Variants in C10orf90 observed in about 807,000 individuals in gnomAD.
The protein encoded by C10orf90 is (E2-independent) E3 ubiquitin-conjugating enzyme FATS.
Under a neutral mutation model 62.5 loss-of-function variants are expected in C10orf90, and 56 were observed. The ratio of observed to expected loss-of-function variants is 0.90; its 90% CI spans 0.72 to 1.12. The LOEUF is 1.12. Ranked by LOEUF, C10orf90 falls within the 50% of genes most tolerant of loss-of-function variation. The pLI, the probability that C10orf90 is intolerant of heterozygous loss-of-function variation, is 0.00. For synonymous variants in C10orf90, 386 were observed against 340.4 expected (o/e 1.13, Z -1.47); for missense variants, 970 against 880.4 (o/e 1.10, Z -1.29).
At position 126,507,588 on chromosome 10, in the gene C10orf90, C is replaced by T. The variant is rs550182232; in HGVS notation, c.406-2503G>A. On this transcript the variant is annotated intron_variant, in intron 3 of 9. Coordinates refer to ENST00000488181, the MANE Select transcript of C10orf90 (RefSeq NM_001350921.2). ...CTTTTAGCCCAGCGGCTACCTCACA[C>T]TTCCCAATCACATCATGCGTTGCTT... is the stretch of plus-strand genomic sequence containing the variant. 3.3e-3 allele frequency among the ~76,000 whole-genome samples: 506 copies of T among 151,914 alleles called. 7 individuals are homozygous for T. The highest frequency in any genetic ancestry group is 0.012 in the African/African-American group (487 of 41,448).
At chr10:126,661,279 G>C (rs1846505326) in intron 1 of C10orf90, among the ~76,000 whole-genome samples, 1 of 152,156 alleles carries the variant, frequency 6.6e-6, no homozygotes, top group Non-Finnish European at 1.5e-5. Context: ...CATTTTCATG[G>C]GGTACAGCCT....
At chr10:126,470,245 C>A (rs1860509487) in intron 4 of C10orf90, 2 of 361,270 alleles carry the variant, frequency 5.5e-6, no homozygotes, top group Non-Finnish European at 1.1e-5. Context: ...GCATGCTAAT[C>A]CATGGACATG....
chr10:126,573,313 A>G (rs563505217), intron 2 of C10orf90, among the ~76,000 whole-genome samples: 50 of 152,344 alleles, frequency 3.3e-4, no homozygotes, highest in Admixed American at 8.5e-4. Flanking sequence ...TCCGTAATCT[A>G]TAGATAACAT....
intron 1 of C10orf90, among the ~76,000 whole-genome samples, chr10:126,647,290 G>A (rs1284122426): frequency 2.0e-5 from 3 of 152,052 alleles, no homozygotes; most frequent in Non-Finnish European, 2.9e-5. Context: ...CTGTGACCTC[G>A]CCCCAAAGCT....
intron 2 of C10orf90, among the ~76,000 whole-genome samples, chr10:126,587,497 A>G (rs1844896573): frequency 6.6e-6 from 1 of 152,150 alleles, no homozygotes; most frequent in African/African-American, 2.4e-5. Context: ...GCTCTCTGGT[A>G]TCTGTTTTCA....
At chr10:126,446,143 A>G (rs1858763720) in intron 7 of C10orf90, among the ~76,000 whole-genome samples, 1 of 152,124 alleles carries the variant, frequency 6.6e-6, no homozygotes. Flanking sequence ...TTGTACTCCA[A>G]TAACCTGTGG....
chr10:126,646,543 T>G (rs1311638411), intron 2 of C10orf90, 22 bp downstream of exon 2: 2 of 398,694 alleles, frequency 5.0e-6, no homozygotes, highest in South Asian at 3.8e-5. Flanking sequence ...GAACCCTGCC[T>G]GGGCAGGCCC....
intron 2 of C10orf90, among the ~76,000 whole-genome samples, chr10:126,615,643 T>A (rs1421879719): frequency 4.6e-5 from 7 of 152,278 alleles, no homozygotes; most frequent in African/African-American, 1.7e-4. Context: ...AGCAAACATC[T>A]TTTTTTCAGT....
At chr10:126,431,091 A>C (rs1371476673) in intron 7 of C10orf90, among the ~76,000 whole-genome samples, 4 of 152,234 alleles carry the variant, frequency 2.6e-5, no homozygotes, top group African/African-American at 9.6e-5. Flanking sequence ...AGAAACAAGA[A>C]AAAGAAATTG....
At chr10:126,653,716 A>G (rs1321255639) in intron 1 of C10orf90, among the ~76,000 whole-genome samples, 1 of 152,148 alleles carries the variant, frequency 6.6e-6, no homozygotes, top group African/African-American at 2.4e-5. Flanking sequence ...TAGAATGGTG[A>G]ATCTTTTCCA....
chr10:126,553,184 A>G (rs1049589790), intron 2 of C10orf90, among the ~76,000 whole-genome samples: 2 of 152,214 alleles, frequency 1.3e-5, no homozygotes, highest in African/African-American at 4.8e-5. Context: ...AAAATCAAGA[A>G]CTTATATTCA....
Position 126,453,906 on chromosome 10 carries a change from A to G in C10orf90, c.2188+5134T>C, listed in dbSNP as rs556673075. On this transcript the variant is annotated intron_variant, in intron 7 of 9. Coordinates refer to ENST00000488181, the MANE Select transcript of C10orf90 (RefSeq NM_001350921.2). This position sits in a 1 kb window ranked among gnomAD's most constrained non-coding sequence, Gnocchi z 4.9. ...TGAGTGTTTTTGGAGTGAAGGAAGG[A>G]CAGGAAATGAGACCAACTGGAAAGG... Among the ~76,000 whole-genome samples, 1 of 152,240 alleles carries G rather than the reference A, an allele frequency of 6.6e-6. No individual in the cohort carries two copies. Among genetic ancestry groups the G allele is most frequent in the South Asian group, 2.1e-4 (1 of 4,826 alleles).
chr10:126,426,977 G>A (rs866866380), intron 8 of C10orf90, among the ~76,000 whole-genome samples: 5 of 152,262 alleles, frequency 3.3e-5, no homozygotes, highest in Middle Eastern at 3.4e-3. Flanking sequence ...GAGGCATATC[G>A]TGTCCCACTG....
rs1169067921 is a variant in C10orf90 at position 126,504,253 on chromosome 10, CT to C, written c.1237del (p.Ser413AlafsTer4). ...VDGLVNREPI[S>X]EALKQELLEG... Reference sequence around the variant, plus strand: ...CAGGAGCTCCTGCTTCAGGGCTTCGCTTATTGGCTCTCTGTTCACTAGGCCA... The same window carrying C: ...CAGGAGCTCCTGCTTCAGGGCTTCGCTATTGGCTCTCTGTTCACTAGGCCA... On this transcript the variant is annotated frameshift_variant, in exon 4 of 10. Transcript: ENST00000488181. LOFTEE classifies it high-confidence loss of function. The surrounding 1 kb of genome is among the most constrained non-coding windows in gnomAD (Gnocchi z 4.1). 6.2e-7 allele frequency: 1 copy of C among 1,614,162 alleles called. No homozygotes were observed. Among genetic ancestry groups the C allele is most frequent in the Admixed American group, 1.7e-5 (1 of 60,012 alleles).
chr10:126,470,273 A>G (rs944674366), intron 4 of C10orf90: 35 of 343,810 alleles, frequency 1.0e-4, no homozygotes, highest in African/African-American at 7.1e-4. Flanking sequence ...TGAAAGAGGA[A>G]GGAAGAGGCA....
intron 1 of C10orf90, among the ~76,000 whole-genome samples, chr10:126,655,919 G>A (rs970181260): frequency 6.6e-6 from 1 of 150,898 alleles, no homozygotes; most frequent in Admixed American, 6.6e-5. Flanking sequence ...CCCTGGGCCT[G>A]GGGGGGAGAA....
At chr10:126,454,504 G>C (rs1392776354) in intron 7 of C10orf90, among the ~76,000 whole-genome samples, 1 of 151,838 alleles carries the variant, frequency 6.6e-6, no homozygotes, top group Non-Finnish European at 1.5e-5. Flanking sequence ...ACCTGCAGGG[G>C]CTGACCCCGT....
intron 3 of C10orf90, among the ~76,000 whole-genome samples, chr10:126,510,784 A>G (rs1301011229): frequency 6.6e-6 from 1 of 152,192 alleles, no homozygotes; most frequent in Non-Finnish European, 1.5e-5. Context: ...TTTTAACTTT[A>G]TATTTATGCC....
intron 2 of C10orf90, chr10:126,521,267 G>T: frequency 6.2e-7 from 1 of 1,608,680 alleles, no homozygotes; most frequent in Non-Finnish European, 8.5e-7. Context: ...TTTTAATAAG[G>T]GTTATATCTG....
Sources: allele counts gnomAD v4.1 joint callset (sites outside exome capture counted in the v4.1 genomes callset), GRCh38; gene constraint gnomAD v4.1.1; non-coding constraint Gnocchi (gnomAD v3.1); transcripts MANE v1.5; gene names NCBI Gene and HGNC (gene_info 2026-07-23, HGNC 2026-07-21).